Variants in CXCL9 observed in about 807,000 individuals in gnomAD.
The protein encoded by CXCL9 is C-X-C motif chemokine ligand 9.
CXCL9 carries 8 observed loss-of-function variants against 11.7 expected under a neutral mutation model. That is an observed-to-expected ratio of 0.68 (90% CI 0.40 to 1.23). The LOEUF (loss-of-function observed/expected upper bound fraction) is 1.23, where lower values mean the gene tolerates loss of function less well. CXCL9 is among the 50% of genes most tolerant of loss of function. The pLI is 0.01. For synonymous variants in CXCL9, 43 were observed against 48.2 expected (o/e 0.89, Z 0.45); for missense variants, 133 against 141.7 (o/e 0.94, Z 0.31).
In CXCL9 at chr4:76,001,490, T is replaced by C. The variant is rs35934571; in HGVS notation, c.*2108A>G. 1 of 152,360 alleles carries C rather than the reference T, an allele frequency of 6.6e-6. No homozygotes were observed. Among genetic ancestry groups the C allele is most frequent in the Non-Finnish European group, 1.5e-5 (1 of 68,038 alleles). 9.4% of individuals were successfully genotyped at this position (152,360 alleles called of 1,614,324 possible). On this transcript the variant is annotated 3_prime_UTR_variant, in exon 4 of 4. Transcript: ENST00000264888. Reference sequence around the variant, plus strand: ...GTTTTCTGATTAATGGTCTATTTATTGATACCATTCTATTTTAACAAAGAA... The same window carrying C: ...GTTTTCTGATTAATGGTCTATTTATCGATACCATTCTATTTTAACAAAGAA...
chr4:76,007,130 CATT>C (rs1231534250), intron 1 of CXCL9, among the ~76,000 whole-genome samples: 1 of 152,146 alleles, frequency 6.6e-6, no homozygotes, highest in Non-Finnish European at 1.5e-5. Context: ...ATAGAGTTCT[CATT>C]ATTACCCAGT....
rs1267119557 is a variant in CXCL9 at position 76,004,866 on chromosome 4, T to C, written c.219A>G (p.Thr73=). The C allele has an allele frequency of 1.2e-6, 2 of 1,608,368 alleles. No homozygotes were observed. Among genetic ancestry groups the C allele is most frequent in the East Asian group, 2.2e-5 (1 of 44,662 alleles). The stretch of plus-strand genomic sequence containing the variant: ...CATCTGCTGAATCTGGGTTTAGACA[T>C]GTTTGAACTCCATTCTTCAGTGTAG... ...IIATLKNGVQ[T]CLNPDSADVK... Residue 73 remains threonine, a synonymous_variant, in exon 3 of 4, where the codon ACA becomes ACG. Coordinates refer to ENST00000264888, the MANE Select transcript of CXCL9 (RefSeq NM_002416.3).
In CXCL9 at chr4:76,002,226, T is replaced by C; in HGVS notation, c.*1372A>G. 1 of 398,328 alleles carries C rather than the reference T, an allele frequency of 2.5e-6. No homozygotes were observed. Among genetic ancestry groups the C allele is most frequent in the Non-Finnish European group, 4.4e-6 (1 of 225,922 alleles). The allele number at this position is 398,328 out of a possible 1,614,324, so 24.7% of individuals were successfully genotyped here. On this transcript the variant is annotated 3_prime_UTR_variant, in exon 4 of 4. Coordinates refer to ENST00000264888, the MANE Select transcript of CXCL9 (RefSeq NM_002416.3). ...TTTTGTATGGTTGGGAAAAGGTTGG[T>C]CACTGGCTGATCTATAAAGTCCTTT...
Position 76,006,237 on chromosome 4 carries a change from G to A in CXCL9, c.102C>T (p.Ile34=), listed in dbSNP as rs542705344. 5 of 1,613,834 alleles carry A rather than the reference G, an allele frequency of 3.1e-6. No homozygotes were observed. The East Asian group carries it at 8.9e-5, about 29-fold the overall frequency. ...PVVRKGRCSC[I]STNQGTIHLQ... ...GGTGGATAGTCCCTTGGTTGGTGCT[G>A]ATGCAGGAACAGCGACCCTTTCTCA... Residue 34 remains isoleucine, a synonymous_variant, in exon 2 of 4, where the codon ATC becomes ATT. Coordinates refer to ENST00000264888, the MANE Select transcript of CXCL9 (RefSeq NM_002416.3).
chr4:76,005,748 T>C (rs1731572233), intron 2 of CXCL9: 1 of 167,524 alleles, frequency 6.0e-6, no homozygotes, highest in Admixed American at 5.8e-5. Flanking sequence ...CAGTGTATAG[T>C]ATATGATTTA....
rs989968069 is a variant in CXCL9 at position 76,002,286 on chromosome 4, A to T, written c.*1312T>A. On this transcript the variant is annotated 3_prime_UTR_variant, in exon 4 of 4. Coordinates refer to ENST00000264888, the MANE Select transcript of CXCL9 (RefSeq NM_002416.3). ...GATTATATGATTTTCGGTAAACTGT[A>T]TATTTTTTAAAAACAGTCCAGAATA... 2.0e-5 allele frequency: 8 copies of T among 398,490 alleles called. No homozygotes were observed. Among genetic ancestry groups the T allele is most frequent in the Non-Finnish European group, 3.1e-5 (7 of 226,018 alleles). The allele number at this position is 398,490 out of a possible 1,614,324, so 24.7% of individuals were successfully genotyped here. A position where few individuals can be genotyped will look rare whatever the true frequency, so the allele number is the denominator to read the frequency against.
chr4:76,002,331 G>A lies in CXCL9; in HGVS notation c.*1267C>T, dbSNP rs546265910. 130 of 398,268 alleles carry A rather than the reference G, an allele frequency of 3.3e-4. No homozygotes were observed. Among genetic ancestry groups the A allele is most frequent in the Non-Finnish European group, 3.4e-4 (77 of 226,022 alleles). The allele number at this position is 398,268 out of a possible 1,614,324, so 24.7% of individuals were successfully genotyped here. On this transcript the variant is annotated 3_prime_UTR_variant, in exon 4 of 4. Transcript: ENST00000264888. Reference sequence around the variant, plus strand: ...AGAATATCCGCAAGTGTTTTACCACGTGCTTCTTATTGTTGGAGAAGCTGA... The same window carrying A: ...AGAATATCCGCAAGTGTTTTACCACATGCTTCTTATTGTTGGAGAAGCTGA...
chr4:76,001,401 T>C lies in CXCL9; in HGVS notation c.*2197A>G, dbSNP rs973254207. The C allele has an allele frequency of 1.1e-4, 17 of 152,180 alleles. No individual in the cohort carries two copies. The highest frequency in any genetic ancestry group is 3.9e-4 in the African/African-American group (16 of 41,448). The allele number at this position is 152,180 out of a possible 1,614,324, so 9.4% of individuals were successfully genotyped here. Reference sequence around the variant, plus strand: ...AAGCTAAAAAGTAAATAAGGACATATAAGATTTACTATTAAACATTCAACA... The same window carrying C: ...AAGCTAAAAAGTAAATAAGGACATACAAGATTTACTATTAAACATTCAACA... On this transcript the variant is annotated 3_prime_UTR_variant, in exon 4 of 4. Transcript: ENST00000264888.
chr4:76,006,776 C>T (rs1319965985), intron 1 of CXCL9, among the ~76,000 whole-genome samples: 3 of 152,178 alleles, frequency 2.0e-5, no homozygotes, highest in South Asian at 2.1e-4. Context: ...TCATCCTCAT[C>T]CTCTCTCCTC....
chr4:76,005,050 T>C (rs1409891513), intron 2 of CXCL9, 157 bp from the exon 3 acceptor site: 1 of 1,181,914 alleles, frequency 8.5e-7, no homozygotes. Flanking sequence ...TTGAATTTTT[T>C]TTTTTTTCTT....
chr4:76,002,315 G>T lies in CXCL9; in HGVS notation c.*1283C>A, dbSNP rs148944642. ...TTTTTAAAAACAGTCCAGAATATCCGCAAGTGTTTTACCACGTGCTTCTTA... is the reference window on the plus strand; with the variant it reads ...TTTTTAAAAACAGTCCAGAATATCCTCAAGTGTTTTACCACGTGCTTCTTA... On this transcript the variant is annotated 3_prime_UTR_variant, in exon 4 of 4. Transcript: ENST00000264888. 7.5e-6 allele frequency: 3 copies of T among 398,460 alleles called. No homozygotes were observed. Among genetic ancestry groups the T allele is most frequent in the Non-Finnish European group, 1.3e-5 (3 of 226,028 alleles). The allele number at this position is 398,460 out of a possible 1,614,324, so 24.7% of individuals were successfully genotyped here.
Position 76,006,256 on chromosome 4 carries a change from T to C in CXCL9, c.83A>G (p.Lys28Arg), listed in dbSNP as rs1731584834. 2 of 1,613,560 alleles carry C rather than the reference T, an allele frequency of 1.2e-6. No homozygotes were observed. Among genetic ancestry groups the C allele is most frequent in the African/African-American group, 2.7e-5 (2 of 74,912 alleles). The change falls in exon 2 of 4, where the codon AAG becomes AGG. Residue 28 changes from lysine (K) to arginine (R), a missense_variant. By Grantham distance (26) the Lys-to-Arg change is conservative. Coordinates refer to ENST00000264888, the MANE Select transcript of CXCL9 (RefSeq NM_002416.3). ...IGVQGTPVVR[K>R]GRCSCISTNQ... ...GGTGCTGATGCAGGAACAGCGACCC[T>C]TTCTCACTACTGGGGTTCCTGAGGG...
At chr4:76,004,376 A>G (rs542071501) in intron 3 of CXCL9, among the ~76,000 whole-genome samples, 1 of 152,052 alleles carries the variant, frequency 6.6e-6, no homozygotes, top group African/African-American at 2.4e-5. Flanking sequence ...CTTCCTTAAC[A>G]CTTTCTCCTG....
rs751345620 is a variant in CXCL9, at chr4:76,002,873, T to A, written c.*725A>T. On this transcript the variant is annotated 3_prime_UTR_variant, in exon 4 of 4. Transcript: ENST00000264888. ...GTTGACTCAGATAAATCAGAGCATATGACAGGTGCACTGGAGAGAAGAAAG... is the reference window on the plus strand; with the variant it reads ...GTTGACTCAGATAAATCAGAGCATAAGACAGGTGCACTGGAGAGAAGAAAG... 6.5e-6 allele frequency: 1 copy of A among 152,868 alleles called. No individual in the cohort carries two copies. Among genetic ancestry groups the A allele is most frequent in the Non-Finnish European group, 1.5e-5 (1 of 68,508 alleles). 9.5% of individuals were successfully genotyped at this position (152,868 alleles called of 1,614,324 possible).
chr4:76,002,419 C>T lies in CXCL9; in HGVS notation c.*1179G>A, dbSNP rs1731484108. 1 of 398,384 alleles carries T rather than the reference C, an allele frequency of 2.5e-6. No individual in the cohort carries two copies. The highest frequency in any genetic ancestry group is 4.4e-6 in the Non-Finnish European group (1 of 225,980). The allele number at this position is 398,384 out of a possible 1,614,324, so 24.7% of individuals were successfully genotyped here. A position where few individuals can be genotyped will look rare whatever the true frequency, so the allele number is the denominator to read the frequency against. ...CATCCCTGGTCCCTGTAGTGAGTGT[C>T]CTGAAGATAATAAGTAAGAGGTTAC... is the stretch of plus-strand genomic sequence containing the variant. On this transcript the variant is annotated 3_prime_UTR_variant, in exon 4 of 4. Transcript: ENST00000264888.
At chr4:76,004,535 T>C (rs1222132279) in intron 3 of CXCL9, among the ~76,000 whole-genome samples, 1 of 152,188 alleles carries the variant, frequency 6.6e-6, no homozygotes, top group African/African-American at 2.4e-5. Context: ...GTATCCTGTG[T>C]CTACCATTCA....
chr4:76,001,916 C>G lies in CXCL9; in HGVS notation c.*1682G>C, dbSNP rs1043901079. 1 of 189,136 alleles carries G rather than the reference C, an allele frequency of 5.3e-6. No homozygotes were observed. Among genetic ancestry groups the G allele is most frequent in the Non-Finnish European group, 1.1e-5 (1 of 92,576 alleles). The allele number at this position is 189,136 out of a possible 1,614,324, so 11.7% of individuals were successfully genotyped here. ...TCCTACACAATTCACTGAACCTCCC[C>G]TGGAAGGAGGTTTCCACATCCTGCA... is the stretch of plus-strand genomic sequence containing the variant. On this transcript the variant is annotated 3_prime_UTR_variant, in exon 4 of 4. Transcript: ENST00000264888.
intron 2 of CXCL9, chr4:76,005,793 A>G (rs1560567848): frequency 5.3e-6 from 1 of 189,346 alleles, no homozygotes; most frequent in Non-Finnish European, 1.1e-5. Context: ...GTAAAAACAT[A>G]TCTATGTTAT....
At chr4:76,005,736 A>C (rs1731571907) in intron 2 of CXCL9, 1 of 153,846 alleles carries the variant, frequency 6.5e-6, no homozygotes, top group Non-Finnish European at 1.4e-5. Context: ...CAGATTACAA[A>C]ACAGTGTATA....
Sources: allele counts gnomAD v4.1 joint callset (sites outside exome capture counted in the v4.1 genomes callset), GRCh38; gene constraint gnomAD v4.1.1; transcripts MANE v1.5; gene names NCBI Gene and HGNC (gene_info 2026-07-23, HGNC 2026-07-21).